The following SORBS2 variants were observed in gnomAD, a reference collection of about 807,000 sequenced individuals.
SORBS2 encodes sorbin and SH3 domain containing 2.
SORBS2 carries 46 observed loss-of-function variants against 97.7 expected under a neutral mutation model. The ratio of observed to expected loss-of-function variants is 0.47; its 90% CI spans 0.37 to 0.60. The LOEUF is 0.60. SORBS2 is among the 20% of genes least tolerant of loss of function. The pLI, the probability that SORBS2 is intolerant of heterozygous loss-of-function variation, is 0.00. For missense variants in SORBS2, 1,316 were observed against 1,282.3 expected, an observed-to-expected ratio of 1.03 and a Z score of -0.40; for synonymous variants, 476 against 473.4, an observed-to-expected ratio of 1.01 and a Z score of -0.07.
intron 4 of SORBS2, among the ~76,000 whole-genome samples, chr4:185,636,735 G>A (rs937813959): frequency 3.4e-5 from 5 of 148,882 alleles, no homozygotes; most frequent in African/African-American, 7.5e-5. Context: ...TGCAATCTCC[G>A]CCTCCCAGGT....
chr4:185,817,998 CT>C (rs70962598), intron 1 of SORBS2, among the ~76,000 whole-genome samples: 4,236 of 152,216 alleles, frequency 0.028, 96 homozygotes, highest in South Asian at 0.056. Flanking sequence ...GTGGAAAATA[CT>C]GTTGAAAAAT....
At chr4:185,676,181 C>T (rs2097786604) in intron 4 of SORBS2, among the ~76,000 whole-genome samples, 1 of 152,142 alleles carries the variant, frequency 6.6e-6, no homozygotes, top group Non-Finnish European at 1.5e-5. Flanking sequence ...CTTACCATAA[C>T]CTATAAATTA....
intron 2 of SORBS2, among the ~76,000 whole-genome samples, chr4:185,762,011 C>A (rs6814984): frequency 0.64 from 97,182 of 152,048 alleles, 31,637 homozygotes; most frequent in Middle Eastern, 0.72. Flanking sequence ...GATAACTCAG[C>A]CGCAAGGGGT....
At chr4:185,844,564 C>T (rs1247559157) in intron 1 of SORBS2, among the ~76,000 whole-genome samples, 3 of 152,224 alleles carry the variant, frequency 2.0e-5, no homozygotes, top group Middle Eastern at 3.4e-3. Flanking sequence ...CATGATTCCA[C>T]AATAAATTAA....
chr4:185,955,022 A>C (rs1370177767), intron 1 of SORBS2, among the ~76,000 whole-genome samples: 1 of 152,192 alleles, frequency 6.6e-6, no homozygotes, highest in African/African-American at 2.4e-5. Flanking sequence ...TCAATGCCTT[A>C]ATATGTCCCT....
At chr4:185,686,171 T>C (rs762001490) in intron 2 of SORBS2, among the ~76,000 whole-genome samples, 12 of 152,196 alleles carry the variant, frequency 7.9e-5, no homozygotes, top group Non-Finnish European at 1.3e-4. Flanking sequence ...CATTATATAT[T>C]GTCACATTTC....
chr4:185,623,256 C>A lies in SORBS2; in HGVS notation c.1873G>T (p.Ala625Ser), dbSNP rs765619085. 23 of 1,613,986 alleles carry A rather than the reference C, an allele frequency of 1.4e-5. No individual in the cohort carries two copies. The highest frequency in any genetic ancestry group is 5.3e-5 in the African/African-American group (4 of 74,918). The change falls in exon 7 of 15, where the codon GCA becomes TCA. Residue 625 changes from alanine to serine, a missense_variant. Transcript: ENST00000418609. This position sits in a 1 kb window ranked among gnomAD's most constrained non-coding sequence, Gnocchi z 6.4. ...TCAAACACAGATGCTTTACATTTTG[C>A]CTTTTCAGTCTGTTTCTTAGGAGCC...
intron 1 of SORBS2, among the ~76,000 whole-genome samples, chr4:185,882,538 A>G (rs987263434): frequency 1.3e-5 from 2 of 152,206 alleles, no homozygotes; most frequent in Non-Finnish European, 2.9e-5. Flanking sequence ...ACTCAATGTA[A>G]TTCCAGTGAA....
intron 12 of SORBS2, among the ~76,000 whole-genome samples, chr4:185,596,364 C>T (rs2096087975): frequency 6.6e-6 from 1 of 151,992 alleles, no homozygotes; most frequent in Non-Finnish European, 1.5e-5. Flanking sequence ...TATAATTCTA[C>T]TAGTTTAATT....
chr4:185,622,175 A>G (rs949891961), intron 7 of SORBS2, among the ~76,000 whole-genome samples: 3 of 152,236 alleles, frequency 2.0e-5, no homozygotes, highest in African/African-American at 4.8e-5. Context: ...CTTCAAAGTT[A>G]TCTATGAAAA....
chr4:185,645,396 A>AT (rs150255496), intron 4 of SORBS2, among the ~76,000 whole-genome samples: 92 of 150,668 alleles, frequency 6.1e-4, no homozygotes, highest in African/African-American at 1.8e-3. Context: ...CAAATCAGTG[A>AT]TTTTTTTTTT....
chr4:185,622,002 G>T (rs2096727151), intron 7 of SORBS2, among the ~76,000 whole-genome samples: 1 of 152,334 alleles, frequency 6.6e-6, no homozygotes, highest in South Asian at 2.1e-4. Flanking sequence ...TTTCAGCCCG[G>T]AATGTTCATT....
chr4:185,952,246 T>C (rs1198408283), intron 1 of SORBS2, among the ~76,000 whole-genome samples: 1 of 152,178 alleles, frequency 6.6e-6, no homozygotes, highest in Non-Finnish European at 1.5e-5. Flanking sequence ...CAGGCTGGTC[T>C]CGAACTCCTG....
intron 1 of SORBS2, among the ~76,000 whole-genome samples, chr4:185,848,509 G>A (rs552859481): frequency 1.7e-4 from 25 of 151,266 alleles, no homozygotes; most frequent in African/African-American, 5.8e-4. Flanking sequence ...ATTTATGAAA[G>A]GTAAACTTTT....
In SORBS2 at chr4:185,643,077, A is replaced by G. The variant is rs56712089; in HGVS notation, c.396+3591T>C. On this transcript the variant is annotated intron_variant, in intron 4 of 14. Transcript: ENST00000418609. ...CCAGGTGTTGGGATACAACTGGTGG[A>G]CCAGTCACAGCCCTCGCCTTCAAGA... 7.4e-3 allele frequency among the ~76,000 whole-genome samples: 1,123 copies of G among 152,338 alleles called. 19 individuals are homozygous for G. Among genetic ancestry groups the G allele is most frequent in the African/African-American group, 0.026 (1,068 of 41,574 alleles).
At chr4:185,909,406 G>A (rs2099253587) in intron 1 of SORBS2, among the ~76,000 whole-genome samples, 1 of 152,076 alleles carries the variant, frequency 6.6e-6, no homozygotes, top group East Asian at 1.9e-4. Flanking sequence ...GGGAGGGGGT[G>A]GATGATGAAA....
chr4:185,663,717 G>GAATCCTTCTTATTA, intron 4 of SORBS2, among the ~76,000 whole-genome samples: 1 of 152,054 alleles, frequency 6.6e-6, no homozygotes, highest in Non-Finnish European at 1.5e-5. Flanking sequence ...AAAAGCTGAA[G>GAATCCTTCTTATTA]AATCCTTCTT....
At chr4:185,874,965 A>G (rs2099232654) in intron 1 of SORBS2, among the ~76,000 whole-genome samples, 1 of 151,712 alleles carries the variant, frequency 6.6e-6, no homozygotes, top group South Asian at 2.1e-4. Flanking sequence ...TTATTATGGA[A>G]TATCTGGCTG....
intron 1 of SORBS2, among the ~76,000 whole-genome samples, chr4:185,907,295 G>A (rs925455015): frequency 2.0e-5 from 3 of 152,136 alleles, no homozygotes; most frequent in Admixed American, 2.0e-4. Context: ...CACCTTAAAT[G>A]TTTTCGCTGG....
Sources: allele counts gnomAD v4.1 joint callset (sites outside exome capture counted in the v4.1 genomes callset), GRCh38; gene constraint gnomAD v4.1.1; non-coding constraint Gnocchi (gnomAD v3.1); transcripts MANE v1.5; gene names NCBI Gene and HGNC (gene_info 2026-07-23, HGNC 2026-07-21).